The following TRIP4 variants were observed in gnomAD, a reference collection of about 807,000 sequenced individuals.
TRIP4 encodes activating signal cointegrator 1.
A neutral mutation model predicts 81.8 loss-of-function variants in TRIP4; 54 were observed. The observed-to-expected ratio is 0.66, with a 90% CI of 0.53 to 0.83. The LOEUF is 0.83. TRIP4 is among the 40% of genes least tolerant of loss of function. The pLI, the probability that TRIP4 is intolerant of heterozygous loss-of-function variation, is 0.00. For missense variants in TRIP4, 662 were observed against 683.6 expected (o/e 0.97, Z 0.35); for synonymous variants, 270 against 242.8 (o/e 1.11, Z -1.04).
At chr15:64,398,424 C>CAAAAAA (rs745672952) in intron 4 of TRIP4, among the ~76,000 whole-genome samples, 2 of 16,290 alleles carry the variant, frequency 1.2e-4, no homozygotes, top group Non-Finnish European at 1.7e-4. Flanking sequence ...CCTGTCTCTA[C>CAAAAAA]AAAAAAAAAA....
At chr15:64,393,832 G>T in intron 1 of TRIP4, 114 bp from the exon 2 acceptor site, 2 of 1,056,442 alleles carry the variant, frequency 1.9e-6, no homozygotes, top group Non-Finnish European at 2.6e-6. Context: ...TTGGCTCAAA[G>T]TAAACACTCT....
chr15:64,425,657 T>C (rs773273737), intron 11 of TRIP4, 26 bp downstream of exon 11: 1 of 1,552,150 alleles, frequency 6.4e-7, no homozygotes, highest in South Asian at 1.2e-5. Context: ...TTTTTTTTTT[T>C]AGAGACAGGG....
intron 7 of TRIP4, among the ~76,000 whole-genome samples, chr15:64,412,017 C>T (rs923234118): frequency 1.3e-5 from 2 of 152,160 alleles, no homozygotes; most frequent in Non-Finnish European, 2.9e-5. Context: ...AGCTACACAC[C>T]ACATATCAAG....
In TRIP4 at chr15:64,391,155, CT is replaced by C. The variant is rs1020648378; in HGVS notation, c.102-2779del. On this transcript the variant is annotated intron_variant, in intron 1 of 12. Coordinates refer to ENST00000261884, the MANE Select transcript of TRIP4 (RefSeq NM_016213.5). ...TTTTGAAATAGCACAGAGCTATTAA[CT>C]TTTTTTTTTTTCTTTTTTGAGACGG... Among the ~76,000 whole-genome samples, 535 of 146,666 alleles carry C rather than the reference CT, an allele frequency of 3.6e-3. 1 individual carries two copies. Among genetic ancestry groups the C allele is most frequent in the African/African-American group, 0.012 (473 of 40,308 alleles).
chr15:64,449,790 A>T (rs1410679667), intron 12 of TRIP4, among the ~76,000 whole-genome samples: 1 of 152,196 alleles, frequency 6.6e-6, no homozygotes, highest in East Asian at 1.9e-4. Context: ...GATAAAGGAA[A>T]TTTTTTAAAT....
chr15:64,414,276 A>C, intron 8 of TRIP4, 65 bp downstream of exon 8: 2 of 1,598,544 alleles, frequency 1.3e-6, no homozygotes, highest in Non-Finnish European at 1.7e-6. Context: ...TCTTTTAAGT[A>C]TGTCTATTTC....
At chr15:64,448,140 C>G (rs939811745) in intron 12 of TRIP4, among the ~76,000 whole-genome samples, 1 of 152,192 alleles carries the variant, frequency 6.6e-6, no homozygotes, top group Admixed American at 6.5e-5. Context: ...TAAATCCTCT[C>G]TCTCAAACCC....
intron 10 of TRIP4, 122 bp from the exon 11 acceptor site, chr15:64,425,418 T>A: frequency 1.1e-6 from 1 of 875,634 alleles, no homozygotes; most frequent in Non-Finnish European, 1.8e-6. Context: ...CTGTTTTCCT[T>A]ATGTCTACAA....
At chr15:64,438,057 A>G (rs893034519) in intron 11 of TRIP4, among the ~76,000 whole-genome samples, 3 of 152,182 alleles carry the variant, frequency 2.0e-5, no homozygotes, top group African/African-American at 7.2e-5. Flanking sequence ...TTTTTGTTCT[A>G]AAAGATATGT....
At chr15:64,411,460 C>T (rs1387200724) in intron 7 of TRIP4, among the ~76,000 whole-genome samples, 1 of 151,968 alleles carries the variant, frequency 6.6e-6, no homozygotes, top group Non-Finnish European at 1.5e-5. Flanking sequence ...TTGCTCTGAA[C>T]CTAAAACTGC....
chr15:64,434,474 CTATCAAATGATAGACA>C (rs1179613822), intron 11 of TRIP4, among the ~76,000 whole-genome samples: 12 of 151,550 alleles, frequency 7.9e-5, no homozygotes, highest in Non-Finnish European at 1.5e-4. Context: ...GCATTCAAAT[CTATCAAATGATAGACA>C]TATCAGTTGT....
intron 11 of TRIP4, among the ~76,000 whole-genome samples, chr15:64,427,636 G>T (rs1271876073): frequency 6.6e-6 from 1 of 152,114 alleles, no homozygotes; most frequent in Non-Finnish European, 1.5e-5. Flanking sequence ...TCAGCTTCCC[G>T]AAGTGCTTTG....
chr15:64,403,528 T>A (rs907879776), intron 5 of TRIP4, among the ~76,000 whole-genome samples: 1 of 152,342 alleles, frequency 6.6e-6, no homozygotes, highest in East Asian at 1.9e-4. Context: ...TTTCATTTTG[T>A]TCCTACCTTG....
At chr15:64,444,836 T>A (rs1365928438) in intron 11 of TRIP4, 170 bp from the exon 12 acceptor site, 1 of 493,720 alleles carries the variant, frequency 2.0e-6, no homozygotes, top group Non-Finnish European at 3.6e-6. Context: ...GTACTAAGGA[T>A]TGTAGAAAGG....
At chr15:64,431,011 C>CATAG (rs1892258546) in intron 11 of TRIP4, among the ~76,000 whole-genome samples, 1 of 152,072 alleles carries the variant, frequency 6.6e-6, no homozygotes, top group Non-Finnish European at 1.5e-5. Flanking sequence ...ATCCAAGCAA[C>CATAG]ATAGATCTTC....
chr15:64,402,220 A>G (rs1891525883), intron 5 of TRIP4, among the ~76,000 whole-genome samples: 1 of 151,792 alleles, frequency 6.6e-6, no homozygotes, highest in South Asian at 2.1e-4. Context: ...AAAATGGTTA[A>G]GGACATTTTT....
At chr15:64,399,211 C>G (rs145469546) in intron 4 of TRIP4, among the ~76,000 whole-genome samples, 112 of 152,154 alleles carry the variant, frequency 7.4e-4, no homozygotes, top group African/African-American at 2.5e-3. Flanking sequence ...CTCAGCCTCC[C>G]AAAGTGCTGG....
Position 64,409,700 on chromosome 15 carries a change from C to T in TRIP4, c.915C>T (p.Thr305=), listed in dbSNP as rs1474005192. 6.2e-7 allele frequency: 1 copy of T among 1,614,162 alleles called. No homozygotes were observed. The highest frequency in any genetic ancestry group is 1.7e-5 in the Admixed American group (1 of 60,018). ...NQWLSKLERE[T]LQKREEELRE... is the part of the protein sequence containing the mutation. ...GGTTGTCCAAACTTGAGCGGGAAAC[C>T]TTGCAGAAGCGAGAGGAGGAGCTGA... Residue 305 remains threonine, a synonymous_variant, in exon 7 of 13, where the codon ACC becomes ACT. Coordinates refer to ENST00000261884, the MANE Select transcript of TRIP4 (RefSeq NM_016213.5).
chr15:64,416,799 A>C (rs953065868), intron 8 of TRIP4, among the ~76,000 whole-genome samples: 10 of 152,178 alleles, frequency 6.6e-5, no homozygotes, highest in African/African-American at 2.4e-4. Flanking sequence ...TTAAGTACTC[A>C]ATAAATGTGT....
Sources: allele counts gnomAD v4.1 joint callset (sites outside exome capture counted in the v4.1 genomes callset), GRCh38; gene constraint gnomAD v4.1.1; transcripts MANE v1.5; gene names NCBI Gene and HGNC (gene_info 2026-07-23, HGNC 2026-07-21).